The following PKHD1 variants were observed in gnomAD, a reference collection of about 807,000 sequenced individuals.
PKHD1 encodes PKHD1 ciliary IPT domain containing fibrocystin/polyductin, also known as fibrocystin.
PKHD1 carries 291 observed loss-of-function variants against 412.0 expected under a neutral mutation model. The ratio of observed to expected loss-of-function variants is 0.71; its 90% CI spans 0.64 to 0.78. PKHD1 has a LOEUF of 0.78. Ranked by LOEUF, PKHD1 falls within the 30% of genes least tolerant of loss-of-function variation. PKHD1 has a pLI of 0.00. For missense variants in PKHD1, 4,825 were observed against 4,950.7 expected (o/e 0.97, Z 0.76); for synonymous variants, 1,777 against 1,821.5 (o/e 0.98, Z 0.62).
chr6:51,748,773 T>TTTA, intron 57 of PKHD1, 108 bp from the exon 58 acceptor site: 1 of 895,228 alleles, frequency 1.1e-6, no homozygotes, highest in South Asian at 1.3e-5. Context: ...AAAATGTAAG[T>TTTA]TTATTCTCAA....
At chr6:51,751,496 T>C (rs924186952) in intron 57 of PKHD1, among the ~76,000 whole-genome samples, 2 of 152,218 alleles carry the variant, frequency 1.3e-5, no homozygotes. Context: ...ATATCAGCTA[T>C]TAATGGAAGA....
chr6:51,627,163 G>A, intron 65 of PKHD1, 47 bp from the exon 66 acceptor site: 1 of 1,515,152 alleles, frequency 6.6e-7, no homozygotes, highest in Non-Finnish European at 9.1e-7. Context: ...AGTTGTAAGT[G>A]GGACCATCAG....
chr6:51,635,616 G>T (rs1194643724), intron 64 of PKHD1, among the ~76,000 whole-genome samples: 1 of 152,060 alleles, frequency 6.6e-6, no homozygotes, highest in Non-Finnish European at 1.5e-5. Context: ...TATAAAGCCA[G>T]GGAGTGATAA....
chr6:51,839,252 C>A (rs1248943655), intron 50 of PKHD1, among the ~76,000 whole-genome samples: 1 of 152,208 alleles, frequency 6.6e-6, no homozygotes, highest in Non-Finnish European at 1.5e-5. Flanking sequence ...AAGCCTTACA[C>A]AAGCTGTGAT....
chr6:51,655,468 T>C (rs543485738), intron 61 of PKHD1, among the ~76,000 whole-genome samples: 2 of 152,208 alleles, frequency 1.3e-5, no homozygotes, highest in East Asian at 1.9e-4. Flanking sequence ...ATGATAAGTA[T>C]ATACACATTG....
chr6:51,643,840 T>TC (rs201100242), intron 63 of PKHD1, among the ~76,000 whole-genome samples: 2,625 of 151,904 alleles, frequency 0.017, 38 homozygotes, highest in Non-Finnish European at 0.026. Context: ...ATGCTCTCCT[T>TC]CCCCCTTAGT....
intron 40 of PKHD1, among the ~76,000 whole-genome samples, chr6:51,908,075 C>T (rs1389289221): frequency 6.6e-5 from 10 of 152,042 alleles, no homozygotes; most frequent in Admixed American, 5.9e-4. Flanking sequence ...AAATATTCTG[C>T]AGTACTATAT....
intron 60 of PKHD1, among the ~76,000 whole-genome samples, chr6:51,737,736 G>A (rs1310871188): frequency 6.6e-6 from 1 of 152,014 alleles, no homozygotes; most frequent in Non-Finnish European, 1.5e-5. Flanking sequence ...GAGTGTGTGT[G>A]TGTGTGTGTG....
At chr6:51,887,000 G>C in intron 44 of PKHD1, 133 bp downstream of exon 44, 1 of 708,618 alleles carries the variant, frequency 1.4e-6, no homozygotes, top group Non-Finnish European at 2.6e-6. Flanking sequence ...CCTCAAAAAA[G>C]CAGTTTCAGA....
At chr6:52,080,126 T>G (rs541183884) in intron 4 of PKHD1, 118 bp from the exon 5 acceptor site, 2 of 716,918 alleles carry the variant, frequency 2.8e-6, no homozygotes, top group African/African-American at 3.5e-5. Flanking sequence ...AACCAAGGAT[T>G]CCCAGCAGTC....
At chr6:51,842,635 T>A (rs1373661630) in intron 50 of PKHD1, among the ~76,000 whole-genome samples, 2 of 152,192 alleles carry the variant, frequency 1.3e-5, no homozygotes, top group Non-Finnish European at 2.9e-5. Context: ...GGGCAAGTCC[T>A]ATTCTATTTC....
intron 60 of PKHD1, among the ~76,000 whole-genome samples, chr6:51,686,679 G>C (rs1432547928): frequency 1.3e-5 from 2 of 152,134 alleles, no homozygotes; most frequent in African/African-American, 2.4e-5. Flanking sequence ...AGCCCTATGA[G>C]AGCAGGGTTA....
At chr6:52,077,638 C>T (rs1407070481) in intron 5 of PKHD1, among the ~76,000 whole-genome samples, 1 of 152,216 alleles carries the variant, frequency 6.6e-6, no homozygotes, top group Non-Finnish European at 1.5e-5. Context: ...CTGATGGTGG[C>T]TTGCCAGGCG....
At chr6:51,741,002 C>G (rs761055760) in intron 60 of PKHD1, 3 of 483,978 alleles carry the variant, frequency 6.2e-6, no homozygotes, top group Non-Finnish European at 1.2e-5. Flanking sequence ...GCCACTCACA[C>G]ACATACATGC....
intron 50 of PKHD1, among the ~76,000 whole-genome samples, chr6:51,837,196 A>G (rs1345056873): frequency 6.6e-6 from 1 of 151,888 alleles, no homozygotes; most frequent in African/African-American, 2.4e-5. Flanking sequence ...CACAAACTCC[A>G]TTTTTCAGTC....
chr6:51,967,654 ATGTGTG>A (rs35495373), intron 35 of PKHD1, among the ~76,000 whole-genome samples: 246 of 147,254 alleles, frequency 1.7e-3, no homozygotes, highest in African/African-American at 5.9e-3. Context: ...GTGTGTGTGT[ATGTGTG>A]TGTGTGTGTG....
At chr6:51,666,702 A>G (rs1330018251) in intron 60 of PKHD1, among the ~76,000 whole-genome samples, 1 of 82,044 alleles carries the variant, frequency 1.2e-5, no homozygotes, top group Non-Finnish European at 2.2e-5. Context: ...CCCTCCCCCC[A>G]CCCCACAACA....
At chr6:51,813,944 T>G (rs1765065993) in intron 52 of PKHD1, among the ~76,000 whole-genome samples, 1 of 152,106 alleles carries the variant, frequency 6.6e-6, no homozygotes, top group African/African-American at 2.4e-5. Flanking sequence ...CTCCATTTCC[T>G]TTGGAGGGAA....
At chr6:51,830,718 C>T (rs560495921) in intron 52 of PKHD1, 143 bp downstream of exon 52, 1 of 755,922 alleles carries the variant, frequency 1.3e-6, no homozygotes, top group Admixed American at 2.2e-5. Context: ...ACATTAACCC[C>T]CCCAAAAAGA....
Sources: allele counts gnomAD v4.1 joint callset (sites outside exome capture counted in the v4.1 genomes callset), GRCh38; gene constraint gnomAD v4.1.1; transcripts MANE v1.5; gene names NCBI Gene and HGNC (gene_info 2026-07-23, HGNC 2026-07-21).